MGAT4C: variants seen among roughly 807,000 people sequenced by gnomAD.
MGAT4C encodes the protein alpha-1,3-mannosyl-glycoprotein 4-beta-N-acetylglucosaminyltransferase C.
MGAT4C carries 19 observed loss-of-function variants against 40.1 expected under a neutral mutation model. The ratio of observed to expected loss-of-function variants is 0.47; its 90% CI spans 0.33 to 0.70. The LOEUF (loss-of-function observed/expected upper bound fraction) is 0.70. Ranked by LOEUF, MGAT4C falls within the 30% of genes least tolerant of loss-of-function variation. MGAT4C has a pLI of 0.02. For missense variants in MGAT4C, 491 were observed against 563.2 expected, an observed-to-expected ratio of 0.87 and a Z score of 1.30; for synonymous variants, 181 against 187.1, an observed-to-expected ratio of 0.97 and a Z score of 0.27.
intron 1 of MGAT4C, among the ~76,000 whole-genome samples, chr12:86,218,589 T>G (rs1029364618): frequency 2.6e-5 from 4 of 152,196 alleles, no homozygotes; most frequent in Non-Finnish European, 2.9e-5. Flanking sequence ...TTTGAGAAAT[T>G]GTATGATATT....
intron 1 of MGAT4C, among the ~76,000 whole-genome samples, chr12:86,210,810 GTCTCTC>G (rs1261135236): frequency 1.3e-5 from 2 of 152,088 alleles, no homozygotes; most frequent in African/African-American, 4.8e-5. Context: ...TGATTACTTT[GTCTCTC>G]TCAGGATAAT....
At chr12:86,357,262 T>G (rs1246787841) in intron 3 of MGAT4C, among the ~76,000 whole-genome samples, 1 of 152,166 alleles carries the variant, frequency 6.6e-6, no homozygotes, top group Non-Finnish European at 1.5e-5. Context: ...CTGAGGGTCC[T>G]GACTATTAGA....
chr12:86,574,945 T>A (rs1022060699), intron 2 of MGAT4C, among the ~76,000 whole-genome samples: 3 of 151,844 alleles, frequency 2.0e-5, no homozygotes, highest in Admixed American at 6.6e-5. Flanking sequence ...TATCACTGGC[T>A]GAAATATACC....
intron 1 of MGAT4C, among the ~76,000 whole-genome samples, chr12:86,225,062 T>C (rs1951024659): frequency 6.6e-6 from 1 of 151,078 alleles, no homozygotes; most frequent in South Asian, 2.1e-4. Flanking sequence ...GAAAGGAAGA[T>C]CCAAAAGAAA....
chr12:86,665,852 C>T (rs1008257249), intron 2 of MGAT4C, among the ~76,000 whole-genome samples: 39 of 151,836 alleles, frequency 2.6e-4, no homozygotes, highest in African/African-American at 9.2e-4. Context: ...AATTATACTG[C>T]CTAAAGTTGA....
chr12:86,527,341 T>A (rs1173038180), intron 2 of MGAT4C, among the ~76,000 whole-genome samples: 1 of 152,214 alleles, frequency 6.6e-6, no homozygotes, highest in African/African-American at 2.4e-5. Context: ...GTATCTCTTT[T>A]CCATTGGCCT....
intron 1 of MGAT4C, among the ~76,000 whole-genome samples, chr12:86,813,301 A>T: frequency 6.6e-6 from 1 of 150,480 alleles, no homozygotes; most frequent in South Asian, 2.1e-4. Context: ...AGTCTTGTTC[A>T]AGAATCTTTC....
At chr12:86,090,249 TA>T (rs1159706480) in intron 1 of MGAT4C, among the ~76,000 whole-genome samples, 1 of 151,716 alleles carries the variant, frequency 6.6e-6, no homozygotes, top group East Asian at 1.9e-4. Context: ...GTACTAAACA[TA>T]TTTTTCATGC....
Position 86,308,677 on chromosome 12 carries a change from C to A in MGAT4C, c.-57+25388G>T, listed in dbSNP as rs191338665. Among the ~76,000 whole-genome samples the A allele has an allele frequency of 7.8e-4, 118 of 150,642 alleles. 1 individual carries two copies. The Middle Eastern group carries it at 0.01, about 13-fold the overall frequency. On this transcript the variant is annotated intron_variant, in intron 4 of 7. Coordinates refer to the MGAT4C transcript ENST00000548651. ...CAAAAACTGAGAAGGAAAGTTAATA[C>A]AAAGAAAGCCATTCTTTCTTGCTTC... is the stretch of plus-strand genomic sequence containing the variant.
At chr12:86,799,171 T>A (rs1952182025) in intron 1 of MGAT4C, among the ~76,000 whole-genome samples, 1 of 151,816 alleles carries the variant, frequency 6.6e-6, no homozygotes, top group South Asian at 2.1e-4. Flanking sequence ...TTTCTTACCT[T>A]CTTTTGCCCT....
At chr12:86,724,489 T>C (rs1227152962) in intron 2 of MGAT4C, among the ~76,000 whole-genome samples, 1 of 152,186 alleles carries the variant, frequency 6.6e-6, no homozygotes, top group Non-Finnish European at 1.5e-5. Context: ...TGGCCTACCA[T>C]ATTATATGGG....
chr12:86,430,199 A>G (rs149175096), intron 3 of MGAT4C, among the ~76,000 whole-genome samples: 3 of 151,984 alleles, frequency 2.0e-5, no homozygotes, highest in African/African-American at 4.8e-5. Flanking sequence ...ATTTTCTGGT[A>G]CTCCATGCAA....
chr12:86,805,545 T>G (rs73393181), intron 1 of MGAT4C, among the ~76,000 whole-genome samples: 39 of 152,092 alleles, frequency 2.6e-4, no homozygotes, highest in African/African-American at 8.4e-4. Context: ...AAGGGCATAG[T>G]TTTTTTCTTT....
chr12:86,572,382 T>C (rs1960400983), intron 2 of MGAT4C, among the ~76,000 whole-genome samples: 1 of 152,080 alleles, frequency 6.6e-6, no homozygotes, highest in African/African-American at 2.4e-5. Context: ...TCCTGTGGTT[T>C]CTATAACCAA....
At chr12:86,568,020 G>A (rs1417810950) in intron 2 of MGAT4C, among the ~76,000 whole-genome samples, 1 of 152,148 alleles carries the variant, frequency 6.6e-6, no homozygotes, top group East Asian at 1.9e-4. Context: ...TGAAGATTAT[G>A]CTTGATGTCA....
chr12:86,031,177 C>T (rs997425563), intron 2 of MGAT4C, among the ~76,000 whole-genome samples: 1 of 151,582 alleles, frequency 6.6e-6, no homozygotes, highest in Non-Finnish European at 1.5e-5. Flanking sequence ...GAAATACATG[C>T]ATCTTAAGCA....
intron 2 of MGAT4C, among the ~76,000 whole-genome samples, chr12:86,554,779 T>C (rs569011288): frequency 1.1e-4 from 16 of 152,246 alleles, no homozygotes; most frequent in Non-Finnish European, 2.1e-4. Context: ...TGCCAGAAAC[T>C]CTGGTTTAAA....
chr12:86,544,237 C>G (rs2136388802), intron 2 of MGAT4C, among the ~76,000 whole-genome samples: 1 of 152,188 alleles, frequency 6.6e-6, no homozygotes, highest in East Asian at 1.9e-4. Context: ...AAATCATATT[C>G]CTGCATACAT....
At chr12:86,521,855 T>G (rs113974267) in intron 2 of MGAT4C, among the ~76,000 whole-genome samples, 1 of 152,026 alleles carries the variant, frequency 6.6e-6, no homozygotes. Context: ...ATTTCATTCT[T>G]TTTGTGGTGA....
Sources: gnomAD v4.1 joint callset for allele counts (sites outside exome capture counted in the v4.1 genomes callset) on GRCh38, gnomAD v4.1.1 for gene constraint, MANE v1.5 for transcripts, NCBI Gene and HGNC (gene_info 2026-07-23, HGNC 2026-07-21) for gene names.